Variants in ASH1L observed in about 807,000 individuals in gnomAD.
ASH1L encodes the protein histone-lysine N-methyltransferase ASH1L.
Under a neutral mutation model 269.0 loss-of-function variants are expected in ASH1L, and 23 were observed. The ratio of observed to expected loss-of-function variants is 0.09; its 90% CI spans 0.06 to 0.12. The LOEUF (loss-of-function observed/expected upper bound fraction) is 0.12, where lower values mean the gene tolerates loss of function less well. Ranked by LOEUF, ASH1L falls within the 10% of genes least tolerant of loss-of-function variation. The pLI is 1.00. For missense variants in ASH1L, 2,912 were observed against 3,567.8 expected (o/e 0.82, Z 4.68); for synonymous variants, 1,187 against 1,253.5 (o/e 0.95, Z 1.12).
chr1:155,413,378 G>A (rs142348737), intron 6 of ASH1L, among the ~76,000 whole-genome samples: 1 of 152,130 alleles, frequency 6.6e-6, no homozygotes, highest in Non-Finnish European at 1.5e-5. Context: ...GGCAGAGGAG[G>A]GCGGATCACC....
chr1:155,417,438 T>C (rs1259256041), intron 5 of ASH1L, among the ~76,000 whole-genome samples: 3 of 152,202 alleles, frequency 2.0e-5, no homozygotes, highest in Non-Finnish European at 4.4e-5. Context: ...TTTAGTATAC[T>C]GCTAAACACT....
At chr1:155,517,106 A>C (rs182987745) in intron 2 of ASH1L, among the ~76,000 whole-genome samples, 22 of 152,328 alleles carry the variant, frequency 1.4e-4, no homozygotes, top group African/African-American at 3.8e-4. Context: ...CCCATCCTAA[A>C]ATCCATATGG....
intron 6 of ASH1L, among the ~76,000 whole-genome samples, chr1:155,397,376 A>G (rs1425054177): frequency 6.6e-6 from 1 of 151,714 alleles, no homozygotes; most frequent in Non-Finnish European, 1.5e-5. Flanking sequence ...GCGCGCTGGT[A>G]ATCCCAGCTA....
rs1374507449 is a variant in ASH1L, at chr1:155,339,384, G to C, written c.8461-16C>G. 1 of 1,613,214 alleles carries C rather than the reference G, an allele frequency of 6.2e-7. No homozygotes were observed. The highest frequency in any genetic ancestry group is 8.5e-7 in the Non-Finnish European group (1 of 1,179,364). On this transcript the variant is annotated splice_polypyrimidine_tract_variant and intron_variant, in intron 25 of 27. Coordinates refer to ENST00000392403, the MANE Select transcript of ASH1L (RefSeq NM_018489.3). ...CGTAATGAGGCTGCAGAGAAGAAAA[G>C]GAAGAGGTAAGCATATTGTAGAAGC...
intron 2 of ASH1L, among the ~76,000 whole-genome samples, chr1:155,494,399 A>G (rs572112481): frequency 6.6e-6 from 1 of 152,246 alleles, no homozygotes; most frequent in Non-Finnish European, 1.5e-5. Flanking sequence ...GAAGAGGTAT[A>G]TGACTTGACC....
chr1:155,535,188 TAAAAA>T (rs762665819), intron 1 of ASH1L, among the ~76,000 whole-genome samples: 2 of 137,604 alleles, frequency 1.5e-5, no homozygotes, highest in Admixed American at 7.3e-5. Flanking sequence ...AAACTCCATT[TAAAAA>T]AAAAAAAAAA....
Position 155,444,788 on chromosome 1 carries a change from T to C in ASH1L, c.5087-5720A>G, listed in dbSNP as rs1027378652. 4.0e-5 allele frequency among the ~76,000 whole-genome samples: 6 copies of C among 149,764 alleles called. No individual in the cohort carries two copies. In the South Asian group the frequency reaches 1.0e-3, roughly 26 times the overall value. ...CCTGCCACTACGCCCGGCTAATTTT[T>C]TTGTATTTTTAGTAGAGACGGGGTT... On this transcript the variant is annotated intron_variant, in intron 4 of 27. Transcript: ENST00000392403.
At chr1:155,429,509 A>G (rs1661445020) in intron 5 of ASH1L, among the ~76,000 whole-genome samples, 2 of 152,114 alleles carry the variant, frequency 1.3e-5, no homozygotes, top group African/African-American at 4.8e-5. Context: ...AGCGATCCAC[A>G]CGCCTCGGCT....
At chr1:155,472,136 C>A (rs1260148861) in intron 3 of ASH1L, among the ~76,000 whole-genome samples, 2 of 152,048 alleles carry the variant, frequency 1.3e-5, no homozygotes, top group African/African-American at 4.8e-5. Context: ...ACAAAAAATT[C>A]AAAAATTAGC....
rs189124968 is a variant in ASH1L, at chr1:155,515,401, T to C, written c.420+5699A>G. ...GCGTAAAATCCTTCCCAAGAGTTTG[T>C]TGAATCCAGAAGCACAGATTTTTAT... On this transcript the variant is annotated intron_variant, in intron 2 of 27. Coordinates refer to ENST00000392403, the MANE Select transcript of ASH1L (RefSeq NM_018489.3). 2.8e-3 allele frequency among the ~76,000 whole-genome samples: 428 copies of C among 152,332 alleles called. 2 individuals are homozygous for C. The highest frequency in any genetic ancestry group is 8.3e-3 in the African/African-American group (343 of 41,568).
chr1:155,446,898 C>T (rs1012954955), intron 4 of ASH1L, among the ~76,000 whole-genome samples: 13 of 152,134 alleles, frequency 8.5e-5, no homozygotes, highest in Non-Finnish European at 1.3e-4. Context: ...CCACCGCGCC[C>T]GGCGCTACAT....
chr1:155,458,401 C>G (rs1048809604), intron 4 of ASH1L, among the ~76,000 whole-genome samples: 5 of 152,170 alleles, frequency 3.3e-5, no homozygotes, highest in African/African-American at 1.2e-4. Context: ...TTCTCTACTA[C>G]GTTTCCAGCC....
chr1:155,386,949 A>G (rs1181711161), intron 7 of ASH1L, among the ~76,000 whole-genome samples: 1 of 150,428 alleles, frequency 6.6e-6, no homozygotes, highest in African/African-American at 2.4e-5. Context: ...ATTGTCTTTC[A>G]GGGTTTTTAT....
chr1:155,356,020 C>A (rs1355466569), intron 15 of ASH1L, among the ~76,000 whole-genome samples: 1 of 151,712 alleles, frequency 6.6e-6, no homozygotes, highest in Non-Finnish European at 1.5e-5. Flanking sequence ...TCACTGCAAC[C>A]TCCACCTCCT....
At chr1:155,442,149 G>A (rs1042593456) in intron 4 of ASH1L, among the ~76,000 whole-genome samples, 1 of 152,142 alleles carries the variant, frequency 6.6e-6, no homozygotes, top group Non-Finnish European at 1.5e-5. Flanking sequence ...ACTGTGAGAT[G>A]ATAACTGATT....
At chr1:155,448,606 T>G (rs1571241601) in intron 4 of ASH1L, among the ~76,000 whole-genome samples, 1 of 152,242 alleles carries the variant, frequency 6.6e-6, no homozygotes, top group East Asian at 1.9e-4. Flanking sequence ...GCAATTCTCC[T>G]GCCTCAGACT....
At chr1:155,350,001 T>C (rs1653743894) in intron 17 of ASH1L, among the ~76,000 whole-genome samples, 1 of 151,590 alleles carries the variant, frequency 6.6e-6, no homozygotes, top group Non-Finnish European at 1.5e-5. Flanking sequence ...GCCATTCTCC[T>C]GCCTCAGCCT....
At chr1:155,547,314 T>C (rs1007200328) in intron 1 of ASH1L, among the ~76,000 whole-genome samples, 1 of 151,232 alleles carries the variant, frequency 6.6e-6, no homozygotes, top group African/African-American at 2.4e-5. Context: ...TGAAGACACA[T>C]GCACATGTGT....
intron 5 of ASH1L, among the ~76,000 whole-genome samples, chr1:155,428,940 CTG>C (rs992695530): frequency 2.0e-5 from 3 of 152,128 alleles, no homozygotes; most frequent in South Asian, 2.1e-4. Context: ...CTCTATATTT[CTG>C]TGTGTGTGTC....
Sources: allele counts gnomAD v4.1 joint callset (sites outside exome capture counted in the v4.1 genomes callset), GRCh38; gene constraint gnomAD v4.1.1; transcripts MANE v1.5; gene names NCBI Gene and HGNC (gene_info 2026-07-23, HGNC 2026-07-21).